The following KLF12 variants were observed in gnomAD, a reference collection of about 807,000 sequenced individuals.
The protein encoded by KLF12 is Krueppel-like factor 12.
A neutral mutation model predicts 37.8 loss-of-function variants in KLF12; 9 were observed. The ratio of observed to expected loss-of-function variants is 0.24; its 90% confidence interval spans 0.14 to 0.42. The LOEUF is 0.42. Among genes scored for constraint, KLF12 ranks in the 10% least tolerant of loss-of-function variants. The probability of loss-of-function intolerance (pLI) is 1.00; values close to 1 mark genes in which losing one functional copy is unlikely to be tolerated. For synonymous variants in KLF12, 208 were observed against 202.1 expected, an observed-to-expected ratio of 1.03 and a Z score of -0.25; for missense variants, 411 against 516.0, an observed-to-expected ratio of 0.80 and a Z score of 1.97.
intron 3 of KLF12, among the ~76,000 whole-genome samples, chr13:73,851,523 T>G (rs1240720763): frequency 3.3e-5 from 5 of 152,236 alleles, no homozygotes; most frequent in African/African-American, 1.2e-4. Context: ...CTGGCCTGAT[T>G]TCTTAATTCC....
the KLF12 span, among the ~76,000 whole-genome samples, chr13:74,220,525 T>C: frequency 3.9e-5 from 6 of 152,252 alleles, no homozygotes; most frequent in Middle Eastern, 3.2e-3. Context: ...CCTATCATTT[T>C]TTGTGGCAAA....
the KLF12 span, among the ~76,000 whole-genome samples, chr13:74,216,431 A>G: frequency 6.6e-6 from 1 of 152,300 alleles, no homozygotes; most frequent in East Asian, 1.9e-4. Context: ...AAGAGGAAGG[A>G]GAGCACCGCC....
At position 73,891,897 on chromosome 13, in the gene KLF12, C is replaced by T. The variant is rs772821031; in HGVS notation, c.124-45524G>A. Among the ~76,000 whole-genome samples, 64 of 152,150 alleles carry T rather than the reference C, an allele frequency of 4.2e-4. 1 individual carries two copies. The highest frequency in any genetic ancestry group is 6.6e-4 in the Non-Finnish European group (45 of 67,926). ...AACTTGTAAATAATATAATTATCTC[C>T]GAACAAAAAGTAACATTGTATCAAA... On this transcript the variant is annotated intron_variant, in intron 3 of 7. Coordinates refer to ENST00000377669, the MANE Select transcript of KLF12 (RefSeq NM_007249.5).
intron 6 of KLF12, among the ~76,000 whole-genome samples, chr13:73,719,173 G>A (rs923872053): frequency 4.6e-5 from 7 of 152,166 alleles, no homozygotes; most frequent in African/African-American, 1.2e-4. Flanking sequence ...AAGTGAAGCT[G>A]AGGTAACAGG....
chr13:73,709,980 T>C (rs924924300), intron 7 of KLF12, among the ~76,000 whole-genome samples: 1 of 152,158 alleles, frequency 6.6e-6, no homozygotes, highest in East Asian at 1.9e-4. Flanking sequence ...GGGAGAACTT[T>C]CAAGTCATTT....
At chr13:74,209,447 C>T in the KLF12 span, among the ~76,000 whole-genome samples, 1 of 151,638 alleles carries the variant, frequency 6.6e-6, no homozygotes, top group Non-Finnish European at 1.5e-5. Flanking sequence ...CTGAGCAATG[C>T]ACTAAATGTT....
chr13:73,788,366 T>G (rs1344275530), intron 5 of KLF12, among the ~76,000 whole-genome samples: 1 of 152,258 alleles, frequency 6.6e-6, no homozygotes, highest in Non-Finnish European at 1.5e-5. Context: ...TATAAGGATC[T>G]TTTTGTTCCT....
At chr13:74,300,917 T>C in the KLF12 span, among the ~76,000 whole-genome samples, 1 of 152,162 alleles carries the variant, frequency 6.6e-6, no homozygotes, top group Non-Finnish European at 1.5e-5. Flanking sequence ...AAGCAGTTGC[T>C]CTTACAGACT....
intron 5 of KLF12, among the ~76,000 whole-genome samples, chr13:73,810,943 G>A (rs1882893042): frequency 7.4e-6 from 1 of 134,976 alleles, no homozygotes; most frequent in African/African-American, 2.8e-5. Context: ...AGATACACAA[G>A]TAAGAGATAA....
At chr13:74,104,286 T>C (rs1197523377) in intron 1 of KLF12, among the ~76,000 whole-genome samples, 3 of 152,254 alleles carry the variant, frequency 2.0e-5, no homozygotes, top group Non-Finnish European at 4.4e-5. Context: ...ATTAAACTCA[T>C]GCACTGTGTT....
rs200930910 is a variant in KLF12 at position 73,929,469 on chromosome 13, A to G, written c.123+14512T>C. On this transcript the variant is annotated intron_variant, in intron 3 of 7. Coordinates refer to ENST00000377669, the MANE Select transcript of KLF12 (RefSeq NM_007249.5). The stretch of plus-strand genomic sequence containing the variant: ...GAAAATTTGGCTTCAAAATCCACAC[A>G]TCGTATCGCATAGTCATCAAAATAA... Among the ~76,000 whole-genome samples, 26 of 152,324 alleles carry G rather than the reference A, an allele frequency of 1.7e-4. No individual in the cohort carries two copies. The East Asian group carries it at 3.7e-3, about 21-fold the overall frequency.
At chr13:73,908,153 A>T (rs1330801355) in intron 3 of KLF12, among the ~76,000 whole-genome samples, 1 of 152,100 alleles carries the variant, frequency 6.6e-6, no homozygotes, top group Non-Finnish European at 1.5e-5. Flanking sequence ...CTGTAATCCC[A>T]GCACTCTGGG....
chr13:74,303,618 A>G, the KLF12 span, among the ~76,000 whole-genome samples: 1 of 152,140 alleles, frequency 6.6e-6, no homozygotes, highest in African/African-American at 2.4e-5. Flanking sequence ...TTGTCCTTAA[A>G]ACGGAATGAC....
chr13:74,137,019 AGT>A (rs144633568), upstream of KLF12, among the ~76,000 whole-genome samples: 1,736 of 152,200 alleles, frequency 0.011, 34 homozygotes, highest in African/African-American at 0.04. Context: ...TCACTAGAGG[AGT>A]GTGTGTGTGT....
intron 6 of KLF12, among the ~76,000 whole-genome samples, chr13:73,716,103 G>C (rs1442524931): frequency 6.6e-6 from 1 of 152,190 alleles, no homozygotes; most frequent in Non-Finnish European, 1.5e-5. Flanking sequence ...AACTTTTCTA[G>C]TTGGAGTTTC....
intron 1 of KLF12, among the ~76,000 whole-genome samples, chr13:74,108,880 T>C (rs1447735785): frequency 1.3e-5 from 2 of 152,096 alleles, no homozygotes; most frequent in African/African-American, 2.4e-5. Context: ...GTAGCATAGG[T>C]GGAAGAAAAT....
the KLF12 span, among the ~76,000 whole-genome samples, chr13:74,266,036 T>C: frequency 6.6e-6 from 1 of 152,184 alleles, no homozygotes; most frequent in Non-Finnish European, 1.5e-5. Context: ...AATTAGGCGG[T>C]GCCTCCAAGT....
chr13:74,190,001 G>C, the KLF12 span, among the ~76,000 whole-genome samples: 6,105 of 152,010 alleles, frequency 0.04, 384 homozygotes, highest in African/African-American at 0.14. Flanking sequence ...ACAATATTGA[G>C]TAATATTATT....
chr13:73,927,135 T>C (rs1889429338), intron 3 of KLF12, among the ~76,000 whole-genome samples: 1 of 152,268 alleles, frequency 6.6e-6, no homozygotes, highest in Non-Finnish European at 1.5e-5. Flanking sequence ...AAATGAACTC[T>C]AGAACAGTTG....
Sources: gnomAD v4.1 joint callset for allele counts (sites outside exome capture counted in the v4.1 genomes callset) on GRCh38, gnomAD v4.1.1 for gene constraint, MANE v1.5 for transcripts, NCBI Gene and HGNC (gene_info 2026-07-23, HGNC 2026-07-21) for gene names.